YBX1: variants seen among roughly 807,000 people sequenced by gnomAD.
The protein encoded by YBX1 is Y-box-binding protein 1.
Under a neutral mutation model 41.4 loss-of-function variants are expected in YBX1, and 3 were observed. That is an observed-to-expected ratio of 0.07 (90% confidence interval 0.03 to 0.19). YBX1 has a LOEUF of 0.19. Ranked by LOEUF, YBX1 falls within the 10% of genes least tolerant of loss-of-function variation. The probability of loss-of-function intolerance (pLI) is 1.00; values close to 1 mark genes in which losing one functional copy is unlikely to be tolerated. For synonymous variants in YBX1, 133 were observed against 165.8 expected (o/e 0.80, Z 1.52); for missense variants, 274 against 462.8 (o/e 0.59, Z 3.74).
chr1:42,696,522 C>CCCCTTTTT lies in YBX1; in HGVS notation c.355-120_355-119insCCCTTTTT. The CCCCTTTTT allele has an allele frequency of 1.6e-6, 1 of 637,568 alleles. No individual in the cohort carries two copies. The highest frequency in any genetic ancestry group is 2.4e-6 in the Non-Finnish European group (1 of 420,684). The allele number at this position is 637,568 out of a possible 1,614,324, so 39.5% of individuals were successfully genotyped here. A position where few individuals can be genotyped will look rare whatever the true frequency, so the allele number is the denominator to read the frequency against. ...GGTCACGCAGTTGCGCCCCCCCCCC[C>CCCCTTTTT]TTTTTTTTCCTTAACTTTGTTGTTT... is the stretch of plus-strand genomic sequence containing the variant. On this transcript the variant is annotated intron_variant, in intron 4 of 7. Transcript: ENST00000321358. The surrounding 1 kb of genome is among the most constrained non-coding windows in gnomAD (Gnocchi z 5.7).
intron 3 of YBX1, among the ~76,000 whole-genome samples, chr1:42,694,367 CACAGAT>C (rs1650409752): frequency 6.6e-6 from 1 of 151,824 alleles, no homozygotes; most frequent in Non-Finnish European, 1.5e-5. Flanking sequence ...TACTTATCCT[CACAGAT>C]ACGAAATGAG....
chr1:42,696,511 G>C lies in YBX1; in HGVS notation c.355-131G>C, dbSNP rs1000312485. The stretch of plus-strand genomic sequence containing the variant: ...TGTGCACCCCTGGTCACGCAGTTGC[G>C]CCCCCCCCCCCTTTTTTTTCCTTAA... On this transcript the variant is annotated intron_variant, in intron 4 of 7. Transcript: ENST00000321358. This position sits in a 1 kb window ranked among gnomAD's most constrained non-coding sequence, Gnocchi z 5.7. 8.3e-5 allele frequency: 39 copies of C among 469,008 alleles called. No individual in the cohort carries two copies. Among genetic ancestry groups the C allele is most frequent in the South Asian group, 4.9e-4 (11 of 22,436 alleles). The allele number at this position is 469,008 out of a possible 1,614,324, so 29.1% of individuals were successfully genotyped here.
chr1:42,697,198 G>A lies in YBX1; in HGVS notation c.676G>A (p.Ala226Thr). The change falls in exon 6 of 8, where the codon GCA becomes ACA. Residue 226 changes from alanine (A) to threonine (T), a missense_variant. Coordinates refer to ENST00000321358, the MANE Select transcript of YBX1 (RefSeq NM_004559.5). ...EVMEGADNQGAGEQGRPVRQN... is the reference protein window; with the variant it reads ...EVMEGADNQGTGEQGRPVRQN... ...TTTTCAGGGTGCTGACAACCAGGGT[G>A]CAGGAGAACAAGGTAGACCAGTGAG... is the stretch of plus-strand genomic sequence containing the variant. The A allele has an allele frequency of 6.2e-7, 1 of 1,614,066 alleles. No individual in the cohort carries two copies. Among genetic ancestry groups the A allele is most frequent in the East Asian group, 2.2e-5 (1 of 44,888 alleles).
At chr1:42,689,649 G>A (rs1369585478) in intron 2 of YBX1, among the ~76,000 whole-genome samples, 3 of 152,160 alleles carry the variant, frequency 2.0e-5, no homozygotes, top group African/African-American at 7.2e-5. Context: ...AGTAGAGTCC[G>A]GGAGTTTGGA....
intron 2 of YBX1, 73 bp from the exon 3 acceptor site, chr1:42,693,417 T>A (rs1353487937): frequency 1.2e-5 from 19 of 1,583,804 alleles, no homozygotes; most frequent in Non-Finnish European, 1.6e-5. Flanking sequence ...AGAGAGTCTC[T>A]GGGAAAATTA....
Position 42,697,258 on chromosome 1 carries a change from C to A in YBX1, c.736C>A (p.Arg246Ser). ...GTATCGGGGATATAGACCACGATTC[C>A]GCAGGTATGGTCCACGTAAACATGT... ...NMYRGYRPRF[R>S]RGPPRQRQPR... The change falls in exon 6 of 8, where the codon CGC (arginine) becomes AGC (serine). Residue 246 changes from arginine to serine, a missense_variant. By Grantham distance (110) the Arg-to-Ser change is moderately radical (BLOSUM62 -1). This residue lies in a region of YBX1 where 187 missense variants were observed against 306.3 expected (regional missense o/e 0.61). Transcript: ENST00000321358. 1 of 1,613,708 alleles carries A rather than the reference C, an allele frequency of 6.2e-7. No individual in the cohort carries two copies. The highest frequency in any genetic ancestry group is 8.5e-7 in the Non-Finnish European group (1 of 1,179,882).
intron 2 of YBX1, 110 bp from the exon 3 acceptor site, chr1:42,693,380 A>G (rs1650387290): frequency 7.5e-7 from 1 of 1,331,776 alleles, no homozygotes; most frequent in East Asian, 2.4e-5. Context: ...GATTTTTGCC[A>G]AATTTCCTGG....
In YBX1 at chr1:42,703,324, A is replaced by G. The variant is rs1293684809; in HGVS notation, c.*1375A>G. On this transcript the variant is annotated 3_prime_UTR_variant, in exon 8 of 8. Coordinates refer to ENST00000321358, the MANE Select transcript of YBX1 (RefSeq NM_004559.5). ...TGACTGCTGCCCCGAAACACTCCAG[A>G]TCATCCTGGCCAGCTATCAGGGCCC... Among the ~76,000 whole-genome samples, 1 of 152,016 alleles carries G rather than the reference A, an allele frequency of 6.6e-6. No individual in the cohort carries two copies. The highest frequency in any genetic ancestry group is 2.4e-5 in the African/African-American group (1 of 41,386).
chr1:42,702,239 A>G lies in YBX1; in HGVS notation c.*290A>G, dbSNP rs1650620475. 1 of 152,672 alleles carries G rather than the reference A, an allele frequency of 6.5e-6. No homozygotes were observed. The allele number at this position is 152,672 out of a possible 1,614,324, so 9.5% of individuals were successfully genotyped here. A position where few individuals can be genotyped will look rare whatever the true frequency, so the allele number is the denominator to read the frequency against. ...TTTTAAATTGTTTCATATCTGGTCA[A>G]GTTGAGATTTTTAAGAACTTCATTT... On this transcript the variant is annotated 3_prime_UTR_variant, in exon 8 of 8. Coordinates refer to ENST00000321358, the MANE Select transcript of YBX1 (RefSeq NM_004559.5).
At chr1:42,682,976 G>A in intron 1 of YBX1, 1 of 160,180 alleles carries the variant, frequency 6.2e-6, no homozygotes, top group Non-Finnish European at 1.3e-5. Flanking sequence ...CTGCGGCCGC[G>A]CGCCGCCGAC....
intron 1 of YBX1, 187 bp from the exon 2 acceptor site, chr1:42,683,216 C>T (rs755562717): frequency 2.5e-4 from 183 of 727,692 alleles, no homozygotes; most frequent in Non-Finnish European, 4.0e-4. Context: ...GAGCGCCCCG[C>T]GCTTCAGACT....
chr1:42,698,921 A>G (rs1052781234), intron 6 of YBX1, among the ~76,000 whole-genome samples: 3 of 152,208 alleles, frequency 2.0e-5, no homozygotes, highest in Non-Finnish European at 4.4e-5. Context: ...CCCCTAATGC[A>G]TGGAATGGTG....
In YBX1 at chr1:42,696,956, C is replaced by T; in HGVS notation, c.657+12C>T. On this transcript the variant is annotated intron_variant, in intron 5 of 7. Coordinates refer to ENST00000321358, the MANE Select transcript of YBX1 (RefSeq NM_004559.5). The surrounding 1 kb of genome is among the most constrained non-coding windows in gnomAD (Gnocchi z 5.7). The stretch of plus-strand genomic sequence containing the variant: ...GAGAAGTGATGGAGGTAAGTTTCAC[C>T]ATCAACAACAGCAATGTGATAAGTT... 1 of 1,544,998 alleles carries T rather than the reference C, an allele frequency of 6.5e-7. No individual in the cohort carries two copies. Among genetic ancestry groups the T allele is most frequent in the South Asian group, 1.2e-5 (1 of 80,526 alleles).
chr1:42,688,344 G>A (rs990003397), intron 2 of YBX1, among the ~76,000 whole-genome samples: 7 of 152,144 alleles, frequency 4.6e-5, no homozygotes, highest in African/African-American at 1.7e-4. Flanking sequence ...GAAAAGTTGA[G>A]TATGTTGTAG....
chr1:42,689,808 A>G (rs936518566), intron 2 of YBX1, among the ~76,000 whole-genome samples: 6 of 152,116 alleles, frequency 3.9e-5, no homozygotes, highest in Non-Finnish European at 5.9e-5. Context: ...TTTGAGTTGC[A>G]TTTTGTCTAT....
intron 6 of YBX1, among the ~76,000 whole-genome samples, chr1:42,699,120 G>T (rs1650531912): frequency 6.6e-6 from 1 of 152,156 alleles, no homozygotes; most frequent in African/African-American, 2.4e-5. Flanking sequence ...GTTGATGGCA[G>T]GAAAGTGACT....
chr1:42,688,083 T>TG (rs1443749845), intron 2 of YBX1, among the ~76,000 whole-genome samples: 2 of 152,142 alleles, frequency 1.3e-5, no homozygotes, highest in Non-Finnish European at 2.9e-5. Flanking sequence ...ACCAAGTCAC[T>TG]GATACGTGAC....
chr1:42,694,702 G>A (rs1650418131), intron 3 of YBX1, among the ~76,000 whole-genome samples: 1 of 152,120 alleles, frequency 6.6e-6, no homozygotes. Flanking sequence ...ATGTAATTAT[G>A]GAATCATTTA....
chr1:42,683,029 C>T, intron 1 of YBX1: 1 of 350,224 alleles, frequency 2.9e-6, no homozygotes, highest in Non-Finnish European at 5.7e-6. Context: ...CGGCCTCGTG[C>T]GCTCGGGCCC....
Sources: gnomAD v4.1 joint callset for allele counts (sites outside exome capture counted in the v4.1 genomes callset) on GRCh38, gnomAD v4.1.1 for gene constraint, gnomAD v4.1.1 regional missense constraint, Gnocchi (gnomAD v3.1) non-coding constraint, MANE v1.5 for transcripts, NCBI Gene and HGNC (gene_info 2026-07-23, HGNC 2026-07-21) for gene names.